The following TOP1 variants were observed in gnomAD, a reference collection of about 807,000 sequenced individuals.
The protein encoded by TOP1 is DNA topoisomerase I.
In TOP1, 10 loss-of-function variants were observed where a neutral mutation model predicts 111.1. The observed-to-expected ratio is 0.09, with a 90% CI of 0.06 to 0.15. The LOEUF (loss-of-function observed/expected upper bound fraction) is 0.15. TOP1 is among the 10% of genes least tolerant of loss of function. The probability of loss-of-function intolerance (pLI) is 1.00; values close to 1 mark genes in which losing one functional copy is unlikely to be tolerated. For missense variants in TOP1, 474 were observed against 926.7 expected, an observed-to-expected ratio of 0.51 and a Z score of 6.34; for synonymous variants, 271 against 302.9, an observed-to-expected ratio of 0.89 and a Z score of 1.10.
intron 14 of TOP1, 78 bp from the exon 15 acceptor site, chr20:41,113,892 A>G: frequency 8.1e-7 from 1 of 1,239,596 alleles, no homozygotes; most frequent in Non-Finnish European, 1.1e-6. Flanking sequence ...AAAAAAAAAA[A>G]AAAAAAACAC....
chr20:41,088,908 C>T (rs2145943553), intron 8 of TOP1, among the ~76,000 whole-genome samples: 1 of 151,828 alleles, frequency 6.6e-6, no homozygotes, highest in South Asian at 2.1e-4. Flanking sequence ...AATTCGGTGG[C>T]ATTAAGTACA....
intron 3 of TOP1, among the ~76,000 whole-genome samples, chr20:41,066,063 C>G (rs1199116166): frequency 6.6e-6 from 1 of 152,142 alleles, no homozygotes; most frequent in Admixed American, 6.5e-5. Context: ...TTTTATATTA[C>G]TAGGCTGTAA....
rs936989795 is a variant in TOP1, at chr20:41,061,968, A to G, written c.155+478A>G. On this transcript the variant is annotated intron_variant, in intron 3 of 20. Transcript: ENST00000361337. This position sits in a 1 kb window ranked among gnomAD's most constrained non-coding sequence, Gnocchi z 4.6. ...GTATATGAGATTTCCTGGAGAGACTATTTGTAGCTTTCATCATGTTATCAG... is the reference window on the plus strand; with the variant it reads ...GTATATGAGATTTCCTGGAGAGACTGTTTGTAGCTTTCATCATGTTATCAG... Among the ~76,000 whole-genome samples the G allele has an allele frequency of 6.6e-6, 1 of 152,140 alleles. No homozygotes were observed. Among genetic ancestry groups the G allele is most frequent in the African/African-American group, 2.4e-5 (1 of 41,430 alleles).
chr20:41,123,158 C>T lies in TOP1; in HGVS notation c.2196-37C>T. 1 of 1,471,800 alleles carries T rather than the reference C, an allele frequency of 6.8e-7. No homozygotes were observed. Among genetic ancestry groups the T allele is most frequent in the Non-Finnish European group, 9.5e-7 (1 of 1,051,832 alleles). The allele number at this position is 1,471,800 out of a possible 1,614,324, so 91.2% of individuals were successfully genotyped here. On this transcript the variant is annotated intron_variant, in intron 20 of 20. Coordinates refer to ENST00000361337, the MANE Select transcript of TOP1 (RefSeq NM_003286.4). This position sits in a 1 kb window ranked among gnomAD's most constrained non-coding sequence, Gnocchi z 5.8. ...CCTCAGATATGGGCCATTGCTGAGT[C>T]ACCCTAATCCCCCCCTTATTTCTCC...
rs1053993999 is a variant in TOP1, at chr20:41,071,122, C to T, written c.156-5049C>T. On this transcript the variant is annotated intron_variant, in intron 3 of 20. Transcript: ENST00000361337. The surrounding 1 kb of genome is among the most constrained non-coding windows in gnomAD (Gnocchi z 4.3). ...GAATATCAGTATTTTGTTGTGGTAG[C>T]GGTGGTCTTTTTTCCTAAAGAAACA... 1.3e-5 allele frequency among the ~76,000 whole-genome samples: 2 copies of T among 152,032 alleles called. No individual in the cohort carries two copies. Among genetic ancestry groups the T allele is most frequent in the Non-Finnish European group, 2.9e-5 (2 of 68,006 alleles).
At chr20:41,064,642 C>T (rs2033585674) in intron 3 of TOP1, among the ~76,000 whole-genome samples, 1 of 152,102 alleles carries the variant, frequency 6.6e-6, no homozygotes, top group Non-Finnish European at 1.5e-5. Flanking sequence ...TTCTGTAATA[C>T]TCTCTTGCCC....
Position 41,115,559 on chromosome 20 carries a change from A to G in TOP1, c.1707+120A>G. Reference sequence around the variant, plus strand: ...CCTTTAGCCTGGCCTGCTCTGTGGCATCCCATACACTCTCTCTTCCTCCCT... The same window carrying G: ...CCTTTAGCCTGGCCTGCTCTGTGGCGTCCCATACACTCTCTCTTCCTCCCT... On this transcript the variant is annotated intron_variant, in intron 16 of 20. Coordinates refer to ENST00000361337, the MANE Select transcript of TOP1 (RefSeq NM_003286.4). The surrounding 1 kb of genome is among the most constrained non-coding windows in gnomAD (Gnocchi z 6.3). 2.9e-6 allele frequency: 2 copies of G among 700,968 alleles called. No homozygotes were observed. Among genetic ancestry groups the G allele is most frequent in the Non-Finnish European group, 5.1e-6 (2 of 393,684 alleles). The allele number at this position is 700,968 out of a possible 1,614,324, so 43.4% of individuals were successfully genotyped here.
chr20:41,072,202 T>C, intron 3 of TOP1: 3 of 981,838 alleles, frequency 3.1e-6, no homozygotes, highest in Non-Finnish European at 3.6e-6. Context: ...TATTATAGCC[T>C]ACAATTGTAC....
chr20:41,090,622 T>G (rs1250523781), intron 8 of TOP1, among the ~76,000 whole-genome samples: 3 of 151,872 alleles, frequency 2.0e-5, no homozygotes, highest in African/African-American at 7.3e-5. Context: ...TGTGTCTCAG[T>G]CTCCTGAGTA....
intron 13 of TOP1, among the ~76,000 whole-genome samples, chr20:41,107,353 T>C (rs1188823326): frequency 6.6e-6 from 1 of 152,212 alleles, no homozygotes; most frequent in Non-Finnish European, 1.5e-5. Flanking sequence ...TTGACACTTT[T>C]CAATCTAGAC....
chr20:41,039,090 A>C (rs1301082133), intron 2 of TOP1, among the ~76,000 whole-genome samples: 1 of 152,214 alleles, frequency 6.6e-6, no homozygotes, highest in Non-Finnish European at 1.5e-5. Context: ...AGGAAGCTAA[A>C]ATTTTCACGT....
chr20:41,037,316 C>A (rs2033201953), intron 2 of TOP1, among the ~76,000 whole-genome samples: 2 of 151,956 alleles, frequency 1.3e-5, no homozygotes, highest in South Asian at 4.2e-4. Context: ...TAATAAAATG[C>A]CAAGTTCATT....
intron 8 of TOP1, among the ~76,000 whole-genome samples, chr20:41,091,815 C>T (rs558750462): frequency 3.9e-5 from 6 of 152,208 alleles, no homozygotes; most frequent in African/African-American, 1.2e-4. Context: ...CTGCCCGCCT[C>T]GGCCTCCCAA....
chr20:41,071,763 T>A lies in TOP1; in HGVS notation c.156-4408T>A, dbSNP rs946057852. Among the ~76,000 whole-genome samples, 5 of 152,252 alleles carry A rather than the reference T, an allele frequency of 3.3e-5. No homozygotes were observed. Among genetic ancestry groups the A allele is most frequent in the African/African-American group, 9.6e-5 (4 of 41,462 alleles). ...CTCTTTAGCGCTGACTTTTGCTTTCTAGTCCCTGCTAGTGTGTTGGAATCT... is the reference window on the plus strand; with the variant it reads ...CTCTTTAGCGCTGACTTTTGCTTTCAAGTCCCTGCTAGTGTGTTGGAATCT... On this transcript the variant is annotated intron_variant, in intron 3 of 20. Coordinates refer to ENST00000361337, the MANE Select transcript of TOP1 (RefSeq NM_003286.4). This position sits in a 1 kb window ranked among gnomAD's most constrained non-coding sequence, Gnocchi z 4.3.
In TOP1 at chr20:41,112,551, A is replaced by G. The variant is rs974097681; in HGVS notation, c.1309-231A>G. Reference sequence around the variant, plus strand: ...TCTTTTTTACGTTTGCTTAAGGTCAAGTTCCTGCTCTTTTGTTCAAAGTCT... The same window carrying G: ...TCTTTTTTACGTTTGCTTAAGGTCAGGTTCCTGCTCTTTTGTTCAAAGTCT... On this transcript the variant is annotated intron_variant, in intron 13 of 20. Coordinates refer to ENST00000361337, the MANE Select transcript of TOP1 (RefSeq NM_003286.4). The surrounding 1 kb of genome is among the most constrained non-coding windows in gnomAD (Gnocchi z 5.8). Among the ~76,000 whole-genome samples the G allele has an allele frequency of 1.3e-5, 2 of 152,216 alleles. No individual in the cohort carries two copies. Among genetic ancestry groups the G allele is most frequent in the Non-Finnish European group, 2.9e-5 (2 of 68,038 alleles).
chr20:41,078,494 T>A lies in TOP1; in HGVS notation c.335+857T>A, dbSNP rs1479313123. Among the ~76,000 whole-genome samples the A allele has an allele frequency of 1.3e-5, 2 of 152,340 alleles. No homozygotes were observed. Among genetic ancestry groups the A allele is most frequent in the East Asian group, 3.9e-4 (2 of 5,192 alleles). Reference sequence around the variant, plus strand: ...TTTTTGACAATTGTGCCTGGTACTCTGGGGTCCTTTAGACAAGGAGAAAAG... The same window carrying A: ...TTTTTGACAATTGTGCCTGGTACTCAGGGGTCCTTTAGACAAGGAGAAAAG... On this transcript the variant is annotated intron_variant, in intron 5 of 20. Transcript: ENST00000361337. This position sits in a 1 kb window ranked among gnomAD's most constrained non-coding sequence, Gnocchi z 5.3.
At chr20:41,096,394 T>C (rs1411400809) in intron 9 of TOP1, among the ~76,000 whole-genome samples, 2 of 152,140 alleles carry the variant, frequency 1.3e-5, no homozygotes, top group South Asian at 2.1e-4. Context: ...ACATAAACAA[T>C]TGGATACACC....
rs757929696 is a variant in TOP1 at position 41,122,200 on chromosome 20, A to C, written c.2195+45A>C. The C allele has an allele frequency of 1.9e-6, 3 of 1,606,750 alleles. No homozygotes were observed. Among genetic ancestry groups the C allele is most frequent in the Non-Finnish European group, 1.7e-6 (2 of 1,174,698 alleles). On this transcript the variant is annotated intron_variant, in intron 20 of 20. Transcript: ENST00000361337. This position sits in a 1 kb window ranked among gnomAD's most constrained non-coding sequence, Gnocchi z 5.4. Reference sequence around the variant, plus strand: ...TGAGCTCCTGCTGCTAGCTTAAGAAAGGTGGAGGGGGTTCCGAGAGCACTG... The same window carrying C: ...TGAGCTCCTGCTGCTAGCTTAAGAACGGTGGAGGGGGTTCCGAGAGCACTG...
At position 41,078,488 on chromosome 20, in the gene TOP1, G is replaced by C. The variant is rs553052336; in HGVS notation, c.335+851G>C. Among the ~76,000 whole-genome samples, 1 of 152,256 alleles carries C rather than the reference G, an allele frequency of 6.6e-6. No individual in the cohort carries two copies. The highest frequency in any genetic ancestry group is 2.1e-4 in the South Asian group (1 of 4,826). On this transcript the variant is annotated intron_variant, in intron 5 of 20. Transcript: ENST00000361337. This position sits in a 1 kb window ranked among gnomAD's most constrained non-coding sequence, Gnocchi z 5.3. ...TTAAAATTTTTGACAATTGTGCCTG[G>C]TACTCTGGGGTCCTTTAGACAAGGA... is the stretch of plus-strand genomic sequence containing the variant.
Sources: allele counts gnomAD v4.1 joint callset (sites outside exome capture counted in the v4.1 genomes callset), GRCh38; gene constraint gnomAD v4.1.1; non-coding constraint Gnocchi (gnomAD v3.1); transcripts MANE v1.5; gene names NCBI Gene and HGNC (gene_info 2026-07-23, HGNC 2026-07-21).